The following FBXO41 variants were observed in gnomAD, a reference collection of about 807,000 sequenced individuals.
FBXO41 encodes F-box only protein 41.
Under a neutral mutation model 81.6 loss-of-function variants are expected in FBXO41, and 33 were observed. The observed-to-expected ratio is 0.40, with a 90% CI of 0.31 to 0.54. The LOEUF (loss-of-function observed/expected upper bound fraction) is 0.54. Among genes scored for constraint, FBXO41 ranks in the 20% least tolerant of loss-of-function variants. The pLI, the probability that FBXO41 is intolerant of heterozygous loss-of-function variation, is 0.39. For synonymous variants in FBXO41, 576 were observed against 552.7 expected (o/e 1.04, Z -0.59); for missense variants, 1,107 against 1,236.0 (o/e 0.90, Z 1.56).
At chr2:73,264,242 C>G (rs751311746) in intron 6 of FBXO41, 36 bp downstream of exon 6, 1 of 1,611,974 alleles carries the variant, frequency 6.2e-7, no homozygotes, top group Admixed American at 1.7e-5. Context: ...AAGGTGGGTT[C>G]ACAGCAGGGC....
At chr2:73,264,123 C>G in intron 6 of FBXO41, 70 bp from the exon 7 acceptor site, 1 of 1,550,654 alleles carries the variant, frequency 6.4e-7, no homozygotes, top group Non-Finnish European at 8.7e-7. Flanking sequence ...TGGGCCAGCC[C>G]CAGGATAGAA....
Position 73,265,593 on chromosome 2 carries a change from T to C in FBXO41, c.1253A>G (p.Asp418Gly), listed in dbSNP as rs1015595709. 4.6e-6 allele frequency: 7 copies of C among 1,536,346 alleles called. No individual in the cohort carries two copies. The African/African-American group carries it at 5.5e-5, about 12-fold the overall frequency. The change falls in exon 5 of 13, where the codon GAC (aspartate) becomes GGC (glycine). Residue 418 changes from aspartate (D) to glycine (G), a missense_variant. Transcript: ENST00000520530. ...CCTGGGCAGCTCCAGACTGTCACTG[T>C]CATAGCAGCCTGAGCTCTGGGATGC... is the stretch of plus-strand genomic sequence containing the variant. ...PAASQSSGCY[D>G]SDSLELPRPE...
Position 73,268,941 on chromosome 2 carries a change from G to A in FBXO41, c.690C>T (p.Ile230=), listed in dbSNP as rs1446968565. 1.3e-6 allele frequency: 2 copies of A among 1,539,590 alleles called. No individual in the cohort carries two copies. The highest frequency in any genetic ancestry group is 2.4e-5 in the East Asian group (1 of 40,882). Residue 230 remains isoleucine (I), a synonymous_variant, in exon 2 of 13, where the codon ATC becomes ATT. Coordinates refer to ENST00000520530, the MANE Select transcript of FBXO41 (RefSeq NM_001371389.2). ...ERLSEEVEQK[I]AGQVGRLQAE... ...CCTGCAGCCGGCCCACCTGGCCCGC[G>A]ATCTTCTGCTCCACCTCCTCGCTCA...
chr2:73,265,095 G>A (rs560835364), intron 5 of FBXO41, among the ~76,000 whole-genome samples, 187 bp downstream of exon 5: 97 of 152,284 alleles, frequency 6.4e-4, no homozygotes, highest in Middle Eastern at 3.4e-3. Flanking sequence ...GCATCCTTGT[G>A]CAACAGACAA....
Position 73,266,002 on chromosome 2 carries a change from G to T in FBXO41, c.1132-36C>A. The T allele has an allele frequency of 6.5e-7, 1 of 1,542,956 alleles. No individual in the cohort carries two copies. Among genetic ancestry groups the T allele is most frequent in the Non-Finnish European group, 8.8e-7 (1 of 1,137,844 alleles). On this transcript the variant is annotated intron_variant, in intron 3 of 12. Coordinates refer to ENST00000520530, the MANE Select transcript of FBXO41 (RefSeq NM_001371389.2). The surrounding 1 kb of genome is among the most constrained non-coding windows in gnomAD (Gnocchi z 5.3). ...CCAGAGCAGGAGGTAAAGGAGAGGG[G>T]CGGAGGAGGCAAGAGGATGAGCAGG...
Position 73,263,824 on chromosome 2 carries a change from G to C in FBXO41, c.1929C>G (p.Cys643Trp). The C allele has an allele frequency of 1.2e-6, 2 of 1,614,012 alleles. No homozygotes were observed. Among genetic ancestry groups the C allele is most frequent in the Non-Finnish European group, 1.7e-6 (2 of 1,179,892 alleles). The change falls in exon 8 of 13, where the codon TGC becomes TGG. Residue 643 changes from cysteine to tryptophan, a missense_variant. Transcript: ENST00000520530. ...GCAGGGACTCCAGCCCAGCTTCCAG[G>C]CAGCCCCTGGGGATGACCAAGAGGT... The part of the protein sequence containing the change: ...KEEYARSTRG[C>W]LEAGLESLLK...
chr2:73,264,788 A>G (rs1199501489), intron 5 of FBXO41, among the ~76,000 whole-genome samples: 3 of 152,032 alleles, frequency 2.0e-5, no homozygotes, highest in African/African-American at 7.3e-5. Context: ...GAGGCAACAC[A>G]TCAGATTTGG....
intron 1 of FBXO41, among the ~76,000 whole-genome samples, chr2:73,277,152 G>A (rs533050617): frequency 1.3e-5 from 2 of 152,358 alleles, no homozygotes; most frequent in African/African-American, 4.8e-5. Context: ...GTGGATGGAT[G>A]TGTAAGGTGG....
In FBXO41 at chr2:73,263,262, C is replaced by A; in HGVS notation, c.2122G>T (p.Ala708Ser). The part of the protein sequence containing the change: ...VGHEVIWALG[A>S]GCREIVSLQV... The stretch of plus-strand genomic sequence containing the variant: ...AGGGAGACGATCTCTCTGCAGCCTG[C>A]GCCCAGGGCCCAAATGACCTCATGG... The change falls in exon 9 of 13, where the codon GCA (alanine) becomes TCA (serine). Residue 708 changes from alanine (A) to serine (S), a missense_variant. Physicochemically the swap from Ala to Ser is moderately conservative, Grantham distance 99. Around this residue, in one of 2 missense-constraint regions of FBXO41, gnomAD observed 336 missense variants for 446.7 expected, o/e 0.75. Transcript: ENST00000520530. The A allele has an allele frequency of 1.9e-6, 3 of 1,554,322 alleles. No individual in the cohort carries two copies. The highest frequency in any genetic ancestry group is 1.7e-6 in the Non-Finnish European group (2 of 1,149,138).
Position 73,260,508 on chromosome 2 carries a change from T to C in FBXO41, c.2330A>G (p.His777Arg), listed in dbSNP as rs1159147252. Residue 777 changes from histidine (H) to arginine (R), a missense_variant, in exon 11 of 13, where the codon CAC (histidine) becomes CGC (arginine). Physicochemically the swap from His to Arg is conservative, Grantham distance 29. Around this residue, in one of 2 missense-constraint regions of FBXO41, gnomAD observed 336 missense variants for 446.7 expected, o/e 0.75. Transcript: ENST00000520530. The surrounding 1 kb of genome is among the most constrained non-coding windows in gnomAD (Gnocchi z 5.0). ...CACCTCCTGGGTGATCTCTGACACG[T>C]GGTCAAGCTCCAGGACCTGCAGCCG... is the stretch of plus-strand genomic sequence containing the variant. Reference protein sequence around the residue: ...CMRLQVLELDHVSEITQEVAA... With the variant: ...CMRLQVLELDRVSEITQEVAA... The C allele has an allele frequency of 2.5e-6, 4 of 1,601,116 alleles. No homozygotes were observed. The highest frequency in any genetic ancestry group is 4.5e-5 in the East Asian group (2 of 44,196).
rs1479072004 is a variant in FBXO41, at chr2:73,269,717, C to T, written c.-87G>A. Reference sequence around the variant, plus strand: ...CGCTCATGGGGGACCGCGGGCGAGGCCCCCTGCGGGGTCAGGAAGGCTCAG... The same window carrying T: ...CGCTCATGGGGGACCGCGGGCGAGGTCCCCTGCGGGGTCAGGAAGGCTCAG... On this transcript the variant is annotated 5_prime_UTR_variant, in exon 2 of 13. Transcript: ENST00000520530. The surrounding 1 kb of genome is among the most constrained non-coding windows in gnomAD (Gnocchi z 7.0). 63 of 1,002,622 alleles carry T rather than the reference C, an allele frequency of 6.3e-5. No individual in the cohort carries two copies. The highest frequency in any genetic ancestry group is 7.2e-5 in the Non-Finnish European group (59 of 816,954). 62.1% of individuals were successfully genotyped at this position (1,002,622 alleles called of 1,614,324 possible). A position where few individuals can be genotyped will look rare whatever the true frequency, so the allele number is the denominator to read the frequency against.
intron 1 of FBXO41, among the ~76,000 whole-genome samples, chr2:73,270,430 T>C (rs866570778): frequency 6.6e-6 from 1 of 152,178 alleles, no homozygotes; most frequent in African/African-American, 2.4e-5. Flanking sequence ...TTATTTTCAT[T>C]TTTTGCAGAC....
chr2:73,264,682 C>T (rs549215312), intron 5 of FBXO41, among the ~76,000 whole-genome samples, 163 bp from the exon 6 acceptor site: 21 of 152,190 alleles, frequency 1.4e-4, no homozygotes, highest in East Asian at 1.9e-4. Context: ...CTGTCCTTTG[C>T]GGTACCCCAT....
rs1307162668 is a variant in FBXO41 at position 73,269,445 on chromosome 2, C to G, written c.186G>C (p.Ser62=). The change falls in exon 2 of 13, where the codon TCG becomes TCC. Residue 62 remains serine (S), a synonymous_variant. Coordinates refer to ENST00000520530, the MANE Select transcript of FBXO41 (RefSeq NM_001371389.2). The surrounding 1 kb of genome is among the most constrained non-coding windows in gnomAD (Gnocchi z 7.0). ...AAAAAAAAAA[S]GFPLAPEPAA... is the part of the protein sequence containing the mutation. The stretch of plus-strand genomic sequence containing the variant: ...CGGGCTCGGGAGCCAGCGGGAACCC[C>G]GAGGCAGCGGCGGCGGCGGCCGCGG... 3 of 1,314,754 alleles carry G rather than the reference C, an allele frequency of 2.3e-6. No homozygotes were observed. The highest frequency in any genetic ancestry group is 3.1e-5 in the African/African-American group (2 of 64,484). The allele number at this position is 1,314,754 out of a possible 1,614,324, so 81.4% of individuals were successfully genotyped here. A position where few individuals can be genotyped will look rare whatever the true frequency, so the allele number is the denominator to read the frequency against.
At position 73,256,672 on chromosome 2, in the gene FBXO41, C is replaced by T. The variant is rs1426050102; in HGVS notation, c.*2310G>A. On this transcript the variant is annotated 3_prime_UTR_variant, in exon 13 of 13. Transcript: ENST00000520530. ...CCAGGCAGAAGGGTATCTTGTTCAC[C>T]CCTCTGCCTCTAGTGCAGGTGGTGC... The T allele has an allele frequency of 6.6e-6, 1 of 152,180 alleles. No homozygotes were observed. The highest frequency in any genetic ancestry group is 2.1e-4 in the South Asian group (1 of 4,822). 9.4% of individuals were successfully genotyped at this position (152,180 alleles called of 1,614,324 possible).
In FBXO41 at chr2:73,260,593, C is replaced by T; in HGVS notation, c.2291-46G>A. The T allele has an allele frequency of 6.4e-7, 1 of 1,555,884 alleles. No individual in the cohort carries two copies. The highest frequency in any genetic ancestry group is 2.4e-5 in the East Asian group (1 of 41,284). ...GATCCTGCTGACACACTCCCCAGGTCACCCCTGCAGCCAGCACCCTGGCTA... is the reference window on the plus strand; with the variant it reads ...GATCCTGCTGACACACTCCCCAGGTTACCCCTGCAGCCAGCACCCTGGCTA... On this transcript the variant is annotated intron_variant, in intron 10 of 12. Transcript: ENST00000520530. The surrounding 1 kb of genome is among the most constrained non-coding windows in gnomAD (Gnocchi z 5.0).
At chr2:73,279,409 A>G (rs1688786299) in intron 1 of FBXO41, among the ~76,000 whole-genome samples, 1 of 152,212 alleles carries the variant, frequency 6.6e-6, no homozygotes. Context: ...GAAAGTATTT[A>G]ATCAATGAGC....
intron 1 of FBXO41, among the ~76,000 whole-genome samples, chr2:73,275,588 T>TAG (rs1010062038): frequency 6.6e-6 from 1 of 152,202 alleles, no homozygotes; most frequent in Non-Finnish European, 1.5e-5. Context: ...TGTTCAAAAA[T>TAG]AGAGAGAGTA....
intron 4 of FBXO41, 27 bp from the exon 5 acceptor site, chr2:73,265,667 G>A: frequency 6.8e-7 from 1 of 1,477,122 alleles, no homozygotes; most frequent in Non-Finnish European, 9.0e-7. Context: ...CACACAGTAA[G>A]GGGTAAGAGG....
Sources: allele counts gnomAD v4.1 joint callset (sites outside exome capture counted in the v4.1 genomes callset), GRCh38; gene constraint gnomAD v4.1.1; regional missense constraint gnomAD v4.1.1; non-coding constraint Gnocchi (gnomAD v3.1); transcripts MANE v1.5; gene names NCBI Gene and HGNC (gene_info 2026-07-23, HGNC 2026-07-21).